The following DAPL1 variants were observed in gnomAD, a reference collection of about 807,000 sequenced individuals.
DAPL1 encodes death associated protein like 1, also known as death-associated protein-like 1.
A neutral mutation model predicts 12.9 loss-of-function variants in DAPL1; 17 were observed. The observed-to-expected ratio is 1.32, with a 90% CI of 0.90 to 1.98. DAPL1 has a LOEUF of 1.98. Among genes scored for constraint, DAPL1 ranks in the 30% most tolerant of loss-of-function variants. DAPL1 has a pLI of 0.00. For missense variants in DAPL1, 157 were observed against 125.7 expected (o/e 1.25, Z -1.19); for synonymous variants, 51 against 42.0 (o/e 1.21, Z -0.82).
intron 3 of DAPL1, among the ~76,000 whole-genome samples, chr2:158,815,246 T>A (rs1380470004): frequency 6.6e-6 from 1 of 152,214 alleles, no homozygotes; most frequent in Non-Finnish European, 1.5e-5. Flanking sequence ...AAATAGCAAA[T>A]GTACACACTT....
chr2:158,805,562 A>G (rs1419330575), intron 2 of DAPL1, among the ~76,000 whole-genome samples: 1 of 123,974 alleles, frequency 8.1e-6, no homozygotes, highest in Non-Finnish European at 1.9e-5. Flanking sequence ...TGCCCTGCTT[A>G]TTGTGACATT....
At chr2:158,813,557 C>A (rs1267170462) in intron 3 of DAPL1, among the ~76,000 whole-genome samples, 1 of 132,896 alleles carries the variant, frequency 7.5e-6, no homozygotes. Context: ...TTTCCTTTTT[C>A]TTTTTTTTTT....
chr2:158,815,914 T>C lies in DAPL1; in HGVS notation c.*93T>C. 1 of 869,156 alleles carries C rather than the reference T, an allele frequency of 1.2e-6. No homozygotes were observed. The highest frequency in any genetic ancestry group is 1.9e-6 in the Non-Finnish European group (1 of 518,050). 53.8% of individuals were successfully genotyped at this position (869,156 alleles called of 1,614,324 possible). A position where few individuals can be genotyped will look rare whatever the true frequency, so the allele number is the denominator to read the frequency against. On this transcript the variant is annotated 3_prime_UTR_variant, in exon 4 of 4. Transcript: ENST00000309950. ...AAAGCTTTCCATAGGCGTGCTGCAC[T>C]TGCTTGGTAAATTAAGCAGCTTTTG...
At chr2:158,804,417 C>A in intron 2 of DAPL1, 48 bp downstream of exon 2, 2 of 1,373,270 alleles carry the variant, frequency 1.5e-6, no homozygotes, top group South Asian at 1.3e-5. Context: ...TTTTGAGTGA[C>A]TCTGCCTCCA....
intron 3 of DAPL1, among the ~76,000 whole-genome samples, chr2:158,812,794 CAAA>C (rs148850724): frequency 3.2e-5 from 4 of 124,440 alleles, no homozygotes; most frequent in Admixed American, 8.6e-5. Flanking sequence ...AACCTCAGCT[CAAA>C]AAAAAAAAAA....
intron 3 of DAPL1, 139 bp from the exon 4 acceptor site, chr2:158,815,566 T>C (rs1323417397): frequency 2.9e-6 from 2 of 682,272 alleles, no homozygotes. Flanking sequence ...AGAAATAGTA[T>C]GGAAAAAAAG....
chr2:158,811,259 G>C (rs2105156078), intron 3 of DAPL1, among the ~76,000 whole-genome samples: 1 of 152,270 alleles, frequency 6.6e-6, no homozygotes, highest in African/African-American at 2.4e-5. Context: ...ATTTTAAAAG[G>C]CTTCTCTTGT....
intron 1 of DAPL1, among the ~76,000 whole-genome samples, chr2:158,802,389 C>A (rs1286795713): frequency 6.6e-6 from 1 of 152,210 alleles, no homozygotes; most frequent in African/African-American, 2.4e-5. Context: ...GAGGCACATT[C>A]CTTGCTAGTC....
intron 1 of DAPL1, among the ~76,000 whole-genome samples, chr2:158,800,080 A>AT (rs1559042347): frequency 1.4e-4 from 19 of 136,318 alleles, no homozygotes; most frequent in African/African-American, 4.5e-4. Flanking sequence ...AAAAAAAAAA[A>AT]ATTTGGCATT....
At chr2:158,813,986 A>G (rs551997544) in intron 3 of DAPL1, among the ~76,000 whole-genome samples, 17 of 152,190 alleles carry the variant, frequency 1.1e-4, no homozygotes, top group Admixed American at 5.2e-4. Flanking sequence ...TAATTGCCCA[A>G]ATTTCTGTTA....
At position 158,806,660 on chromosome 2, in the gene DAPL1, C is replaced by A. The variant is rs191355471; in HGVS notation, c.147-395C>A. Among the ~76,000 whole-genome samples, 105 of 151,788 alleles carry A rather than the reference C, an allele frequency of 6.9e-4. 1 individual carries two copies. The East Asian group carries it at 0.019, about 28-fold the overall frequency. On this transcript the variant is annotated intron_variant, in intron 2 of 3. Coordinates refer to ENST00000309950, the MANE Select transcript of DAPL1 (RefSeq NM_001017920.3). Reference sequence around the variant, plus strand: ...GACCAGCCTGGCTAACATGGTGAAACCCCATTTCTACTAAAAATACAAAAA... The same window carrying A: ...GACCAGCCTGGCTAACATGGTGAAAACCCATTTCTACTAAAAATACAAAAA...
At chr2:158,799,197 G>A (rs957233729) in intron 1 of DAPL1, among the ~76,000 whole-genome samples, 2 of 152,042 alleles carry the variant, frequency 1.3e-5, no homozygotes, top group African/African-American at 4.8e-5. Flanking sequence ...TTTTTACATT[G>A]TCTATCTCTA....
At chr2:158,813,556 T>C (rs1008818555) in intron 3 of DAPL1, among the ~76,000 whole-genome samples, 2 of 118,402 alleles carry the variant, frequency 1.7e-5, no homozygotes, top group African/African-American at 6.8e-5. Flanking sequence ...CTTTCCTTTT[T>C]CTTTTTTTTT....
At chr2:158,801,294 G>T (rs1193287866) in intron 1 of DAPL1, among the ~76,000 whole-genome samples, 1 of 152,108 alleles carries the variant, frequency 6.6e-6, no homozygotes, top group East Asian at 1.9e-4. Context: ...TATATGAAAG[G>T]CACTTGTCAT....
chr2:158,807,350 G>A (rs2059208481), intron 3 of DAPL1, among the ~76,000 whole-genome samples: 1 of 152,214 alleles, frequency 6.6e-6, no homozygotes, highest in Non-Finnish European at 1.5e-5. Context: ...AGATAAGAAA[G>A]TGGGAATCAT....
Position 158,807,106 on chromosome 2 carries a change from A to G in DAPL1, c.198A>G (p.Ala66=), listed in dbSNP as rs1352244773. 4 of 1,609,730 alleles carry G rather than the reference A, an allele frequency of 2.5e-6. No individual in the cohort carries two copies. The African/African-American group carries it at 4.0e-5, about 16-fold the overall frequency. The change falls in exon 3 of 4, where the codon GCA becomes GCG. Residue 66 remains alanine, a synonymous_variant. Coordinates refer to ENST00000309950, the MANE Select transcript of DAPL1 (RefSeq NM_001017920.3). ...KIQTLDALND[A]LEKLNYKFPA... is the part of the protein sequence containing the mutation. ...AGACACTGGATGCCCTGAATGACGCACTGGAGAAGGTGAGCCGTGGGCAAA... is the reference window on the plus strand; with the variant it reads ...AGACACTGGATGCCCTGAATGACGCGCTGGAGAAGGTGAGCCGTGGGCAAA...
intron 1 of DAPL1, among the ~76,000 whole-genome samples, chr2:158,800,486 C>G (rs770789626): frequency 3.3e-5 from 5 of 152,110 alleles, no homozygotes; most frequent in Admixed American, 6.6e-5. Context: ...CTTATGTCAC[C>G]TCTATTTTCT....
chr2:158,815,796 T>G lies in DAPL1; in HGVS notation c.299T>G (p.Ile100Ser), dbSNP rs1471942643. The G allele has an allele frequency of 2.5e-6, 4 of 1,613,396 alleles. No individual in the cohort carries two copies. Among genetic ancestry groups the G allele is most frequent in the South Asian group, 2.2e-5 (2 of 91,058 alleles). Residue 100 changes from isoleucine (I) to serine (S), a missense_variant, in exon 4 of 4, where the codon ATT becomes AGT. Physicochemically the swap from Ile to Ser is moderately radical, Grantham distance 142. Transcript: ENST00000309950. ...EKVVPLKRIY[I>S]IQQPRKC Reference sequence around the variant, plus strand: ...GTTGTTCCACTGAAAAGGATCTACATTATTCAGCAGCCTCGAAAATGTTAA... The same window carrying G: ...GTTGTTCCACTGAAAAGGATCTACAGTATTCAGCAGCCTCGAAAATGTTAA...
chr2:158,809,900 TTTCACAATAAA>T (rs2059221580), intron 3 of DAPL1, among the ~76,000 whole-genome samples: 1 of 152,148 alleles, frequency 6.6e-6, no homozygotes, highest in Non-Finnish European at 1.5e-5. Flanking sequence ...CCTAGTAAGA[TTTCACAATAAA>T]GGTCAACCTG....
Sources: allele counts gnomAD v4.1 joint callset (sites outside exome capture counted in the v4.1 genomes callset), GRCh38; gene constraint gnomAD v4.1.1; transcripts MANE v1.5; gene names NCBI Gene and HGNC (gene_info 2026-07-23, HGNC 2026-07-21).